DORIP1: variants seen among roughly 807,000 people sequenced by gnomAD.
DORIP1 encodes the protein dopamine receptor interacting protein 1, also known as dopamine receptor-interacting protein 1.
At chr14:44,905,717 G>A in the DORIP1 span, 1 of 410,012 alleles carries the variant, frequency 2.4e-6, no homozygotes, top group African/African-American at 2.1e-5. Flanking sequence ...TAGAGGATCT[G>A]TGCAAAAATG....
the DORIP1 span, chr14:44,901,049 T>A: frequency 7.4e-7 from 1 of 1,350,724 alleles, no homozygotes; most frequent in Non-Finnish European, 1.0e-6. Flanking sequence ...TAATGACATT[T>A]GGGTCAACAA....
chr14:44,907,016 G>T, the DORIP1 span: 1 of 152,506 alleles, frequency 6.6e-6, no homozygotes. Context: ...ACACCTGATT[G>T]CATGAACTGA....
At chr14:44,900,750 G>A in the DORIP1 span, 1 of 1,614,036 alleles carries the variant, frequency 6.2e-7, no homozygotes, top group African/African-American at 1.3e-5. Context: ...CAACTGTGAA[G>A]CTACTTTGGA....
the DORIP1 span, chr14:44,905,583 C>T: frequency 2.9e-6 from 4 of 1,401,468 alleles, no homozygotes; most frequent in African/African-American, 4.3e-5. Context: ...GTTTTCCCTC[C>T]TGCCCATGCT....
chr14:44,901,676 G>A, the DORIP1 span, among the ~76,000 whole-genome samples: 1 of 152,124 alleles, frequency 6.6e-6, no homozygotes, highest in Admixed American at 6.6e-5. Context: ...CTGTCAGGAG[G>A]GCTAGTTCCA....
the DORIP1 span, chr14:44,904,385 T>C: frequency 6.2e-7 from 1 of 1,607,590 alleles, no homozygotes. Flanking sequence ...ATGCCTGTTT[T>C]CTATTTTAGG....
At chr14:44,900,696 G>A in the DORIP1 span, 2 of 1,613,974 alleles carry the variant, frequency 1.2e-6, no homozygotes, top group Non-Finnish European at 1.7e-6. Flanking sequence ...TTGGTAGAGA[G>A]TTTGTAGACT....
chr14:44,904,182 G>A, the DORIP1 span: 184 of 985,116 alleles, frequency 1.9e-4, no homozygotes, highest in Non-Finnish European at 2.0e-4. Context: ...AGTTTTAAAC[G>A]TGTCATTTCT....
At chr14:44,900,566 G>A in the DORIP1 span, 1 of 1,611,716 alleles carries the variant, frequency 6.2e-7, no homozygotes, top group Admixed American at 1.7e-5. Flanking sequence ...GCAGTATCCT[G>A]TACACCACTC....
chr14:44,900,323 AACC>A, the DORIP1 span: 1 of 1,049,926 alleles, frequency 9.5e-7, no homozygotes, highest in Non-Finnish European at 1.3e-6. Flanking sequence ...GAGGCCTAAT[AACC>A]ACATTTGATT....
chr14:44,898,002 G>A, the DORIP1 span, among the ~76,000 whole-genome samples: 1 of 152,174 alleles, frequency 6.6e-6, no homozygotes, highest in African/African-American at 2.4e-5. Context: ...CTAGCTTGGG[G>A]TACCAATTTC....
the DORIP1 span, chr14:44,900,549 C>T: frequency 6.2e-7 from 1 of 1,608,216 alleles, no homozygotes; most frequent in Non-Finnish European, 8.5e-7. Context: ...TCAAAGCTGG[C>T]CGCAAAGCAG....
chr14:44,902,635 T>A, the DORIP1 span, among the ~76,000 whole-genome samples: 1 of 152,146 alleles, frequency 6.6e-6, no homozygotes, highest in South Asian at 2.1e-4. Context: ...TCTTGTTTTT[T>A]AAAAACTAGT....
At chr14:44,900,840 G>A in the DORIP1 span, 4 of 1,614,054 alleles carry the variant, frequency 2.5e-6, no homozygotes, top group Non-Finnish European at 2.5e-6. Flanking sequence ...TTGGGAATGA[G>A]CATGATAATT....
At chr14:44,906,033 T>A in the DORIP1 span, 3 of 149,564 alleles carry the variant, frequency 2.0e-5, no homozygotes, top group African/African-American at 7.4e-5. Context: ...AGTATGGATT[T>A]GAATGTACAA....
At chr14:44,900,833 G>A in the DORIP1 span, 1 of 1,613,934 alleles carries the variant, frequency 6.2e-7, no homozygotes, top group Non-Finnish European at 8.5e-7. Context: ...GATTTGTTTG[G>A]GAATGAGCAT....
chr14:44,898,426 T>C, the DORIP1 span, among the ~76,000 whole-genome samples: 1 of 152,226 alleles, frequency 6.6e-6, no homozygotes, highest in Non-Finnish European at 1.5e-5. Flanking sequence ...TGTCTGAAGA[T>C]AATGTGAAGA....
At chr14:44,904,604 G>A in the DORIP1 span, 1 of 1,335,954 alleles carries the variant, frequency 7.5e-7, no homozygotes, top group Non-Finnish European at 1.0e-6. Flanking sequence ...ATTTTGACTA[G>A]CCCTTAAGAG....
At chr14:44,905,432 T>C in the DORIP1 span, 26 of 1,571,360 alleles carry the variant, frequency 1.7e-5, no homozygotes, top group African/African-American at 2.3e-4. Context: ...GCTTTCCAGA[T>C]TGGTGGACAT....
Sources: allele counts gnomAD v4.1 joint callset (sites outside exome capture counted in the v4.1 genomes callset), GRCh38; gene constraint gnomAD v4.1.1; transcripts MANE v1.5; gene names NCBI Gene and HGNC (gene_info 2026-07-23, HGNC 2026-07-21).